The following GRB7 variants were observed in gnomAD, a reference collection of about 807,000 sequenced individuals.
GRB7 encodes the protein growth factor receptor bound protein 7.
A neutral mutation model predicts 64.1 loss-of-function variants in GRB7; 47 were observed. The ratio of observed to expected loss-of-function variants is 0.73; its 90% CI spans 0.58 to 0.94. The LOEUF (loss-of-function observed/expected upper bound fraction) is 0.94. GRB7 is among the 40% of genes least tolerant of loss of function. The probability of loss-of-function intolerance (pLI) is 0.00; values close to 1 mark genes in which losing one functional copy is unlikely to be tolerated. For synonymous variants in GRB7, 277 were observed against 279.9 expected (o/e 0.99, Z 0.10); for missense variants, 634 against 718.4 (o/e 0.88, Z 1.34).
chr17:39,743,431 C>G lies in GRB7; in HGVS notation c.624C>G (p.Leu208=). Residue 208 remains leucine, a synonymous_variant, in exon 6 of 15, where the codon CTC becomes CTG. Coordinates refer to ENST00000309156, the MANE Select transcript of GRB7 (RefSeq NM_005310.5). ...CAGAAAAAATGGTCTCCAGCTGTCTCGATGCACACACTGGTATATCCCATG... is the reference window on the plus strand; with the variant it reads ...CAGAAAAAATGGTCTCCAGCTGTCTGGATGCACACACTGGTATATCCCATG... ...LFPEKMVSSC[L]DAHTGISHED... The G allele has an allele frequency of 6.2e-7, 1 of 1,614,144 alleles. No individual in the cohort carries two copies.
At position 39,745,248 on chromosome 17, in the gene GRB7, G is replaced by T; in HGVS notation, c.1017G>T (p.Gly339=). The part of the protein sequence containing the change: ...WLAAFRLFKY[G]VQLYKNYQQA... The stretch of plus-strand genomic sequence containing the variant: ...CTTTCTCTCCCCACCCCCAGTACGG[G>T]GTGCAGCTGTACAAGAATTACCAGC... Residue 339 remains glycine (G), a synonymous_variant, in exon 10 of 15, where the codon GGG becomes GGT. Transcript: ENST00000309156. 1 of 1,606,764 alleles carries T rather than the reference G, an allele frequency of 6.2e-7. No homozygotes were observed. The highest frequency in any genetic ancestry group is 1.1e-5 in the South Asian group (1 of 89,988).
intron 1 of GRB7, chr17:39,738,910 GAAAGT>G: frequency 1.3e-6 from 2 of 1,534,770 alleles, no homozygotes; most frequent in Non-Finnish European, 1.7e-6. Flanking sequence ...CCTCCGATGG[GAAAGT>G]GGAGGCCGGG....
chr17:39,747,117 T>C lies in GRB7; in HGVS notation c.*220T>C, dbSNP rs1172608135. The C allele has an allele frequency of 3.5e-6, 2 of 564,534 alleles. No homozygotes were observed. Among genetic ancestry groups the C allele is most frequent in the Admixed American group, 3.3e-5 (1 of 30,224 alleles). The allele number at this position is 564,534 out of a possible 1,614,324, so 35.0% of individuals were successfully genotyped here. A position where few individuals can be genotyped will look rare whatever the true frequency, so the allele number is the denominator to read the frequency against. ...CCTCTCCTCAAGGGAAGGCCTTGGG[T>C]GGCCCCCTCTCCTTCTCCTAGCTCT... On this transcript the variant is annotated 3_prime_UTR_variant, in exon 15 of 15. Coordinates refer to ENST00000309156, the MANE Select transcript of GRB7 (RefSeq NM_005310.5).
chr17:39,738,888 A>G (rs1194834201), intron 1 of GRB7: 1 of 1,534,364 alleles, frequency 6.5e-7, no homozygotes, highest in Admixed American at 2.0e-5. Context: ...TCTCAGCAAC[A>G]CCGCCTCCGG....
At chr17:39,746,626 A>G in intron 14 of GRB7, 125 bp from the exon 15 acceptor site, 1 of 1,279,694 alleles carries the variant, frequency 7.8e-7, no homozygotes, top group Non-Finnish European at 1.1e-6. Flanking sequence ...CAAAAAAAAA[A>G]AAAGAAAGAA....
At position 39,742,930 on chromosome 17, in the gene GRB7, C is replaced by T; in HGVS notation, c.339C>T (p.Cys113=). 1 of 1,609,986 alleles carries T rather than the reference C, an allele frequency of 6.2e-7. No homozygotes were observed. Among genetic ancestry groups the T allele is most frequent in the East Asian group, 2.2e-5 (1 of 44,814 alleles). Residue 113 remains cysteine, a synonymous_variant, in exon 4 of 15, where the codon TGC becomes TGT. Coordinates refer to ENST00000309156, the MANE Select transcript of GRB7 (RefSeq NM_005310.5). The part of the protein sequence containing the change: ...VVKVYSEDGA[C]RSVEVAAGAT... ...AGGTGTACAGTGAGGATGGGGCCTG[C>T]AGGTCTGTGGAGGTGGCAGCAGGTG...
chr17:39,743,073 A>G lies in GRB7; in HGVS notation c.463+19A>G. 1.9e-6 allele frequency: 3 copies of G among 1,598,328 alleles called. No individual in the cohort carries two copies. The highest frequency in any genetic ancestry group is 1.1e-5 in the South Asian group (1 of 88,958). ...GCACTGGGTAAGTCAGGTGCATGGA[A>G]CTATCCGGGCTGGGAGATGATGCCT... is the stretch of plus-strand genomic sequence containing the variant. On this transcript the variant is annotated intron_variant, in intron 4 of 14. Transcript: ENST00000309156.
Position 39,743,299 on chromosome 17 carries a change from C to T in GRB7, c.583C>T (p.Pro195Ser), listed in dbSNP as rs762812710. The change falls in exon 5 of 15, where the codon CCA becomes TCA. Residue 195 changes from proline to serine, a missense_variant and splice_region_variant. This residue lies in a region of GRB7 where 467 missense variants were observed against 576.6 expected (regional missense o/e 0.81). Transcript: ENST00000309156. ...FAKYELFKSS[P>S]HSLFPEKMVS... ...CAAGTACGAACTGTTCAAGAGCTCC[C>T]CAGTGAGTGCATGAGGGCTGTCTGG... 1 of 1,614,204 alleles carries T rather than the reference C, an allele frequency of 6.2e-7. No individual in the cohort carries two copies. The highest frequency in any genetic ancestry group is 2.2e-5 in the East Asian group (1 of 44,876).
Position 39,743,954 on chromosome 17 carries a change from C to T in GRB7, c.664-116C>T, listed in dbSNP as rs541117701. ...GTTGCAGTGAGCTGTGATCGTGCCA[C>T]CGCACTAGCATGAGACCCTGTCTCA... On this transcript the variant is annotated intron_variant, in intron 6 of 14. Coordinates refer to ENST00000309156, the MANE Select transcript of GRB7 (RefSeq NM_005310.5). 2.1e-4 allele frequency: 285 copies of T among 1,354,132 alleles called. No homozygotes were observed. The South Asian group carries it at 3.7e-3, about 18-fold the overall frequency. The allele number at this position is 1,354,132 out of a possible 1,614,324, so 83.9% of individuals were successfully genotyped here.
In GRB7 at chr17:39,744,103, C is replaced by G. The variant is rs1383079181; in HGVS notation, c.697C>G (p.Gln233Glu). 6.2e-7 allele frequency: 1 copy of G among 1,614,048 alleles called. No homozygotes were observed. Among genetic ancestry groups the G allele is most frequent in the Non-Finnish European group, 8.5e-7 (1 of 1,180,028 alleles). The change falls in exon 7 of 15, where the codon CAG becomes GAG. Residue 233 changes from glutamine to glutamate, a missense_variant. Physicochemically the swap from Gln to Glu is conservative, Grantham distance 29 (BLOSUM62 2). Coordinates refer to ENST00000309156, the MANE Select transcript of GRB7 (RefSeq NM_005310.5). ...FLNAGSFPEI[Q>E]GFLQLRGSGR... ...GAATGCTGGCAGCTTTCCTGAGATC[C>G]AGGGCTTTCTGCAGCTGCGGGGTTC...
intron 1 of GRB7, chr17:39,740,204 G>T: frequency 1.0e-6 from 1 of 977,844 alleles, no homozygotes; most frequent in Non-Finnish European, 1.2e-6. Flanking sequence ...TGGGAGTGGG[G>T]GATTGTGTTC....
At chr17:39,745,372 A>G in intron 10 of GRB7, 49 bp downstream of exon 10, 11 of 1,608,250 alleles carry the variant, frequency 6.8e-6, no homozygotes, top group Non-Finnish European at 9.4e-6. Context: ...GCCCTGTCTT[A>G]CGGGTACCTG....
intron 6 of GRB7, 47 bp downstream of exon 6, chr17:39,743,517 T>A (rs1188399161): frequency 6.9e-7 from 1 of 1,455,752 alleles, no homozygotes; most frequent in Non-Finnish European, 9.7e-7. Flanking sequence ...TCCCCAGCAT[T>A]GGCCAGTGCT....
chr17:39,738,826 G>A (rs1430116603), intron 1 of GRB7: 1 of 1,371,760 alleles, frequency 7.3e-7, no homozygotes, highest in East Asian at 2.5e-5. Flanking sequence ...GGCAGTGAAG[G>A]AGAGGGATCC....
intron 1 of GRB7, 103 bp from the exon 2 acceptor site, chr17:39,742,149 G>C: frequency 1.3e-6 from 1 of 784,674 alleles, no homozygotes; most frequent in Non-Finnish European, 2.2e-6. Flanking sequence ...AGGGCTTCAG[G>C]GAAACTCCAG....
chr17:39,744,038 C>T (rs2060020676), intron 6 of GRB7, 32 bp from the exon 7 acceptor site: 1 of 1,612,598 alleles, frequency 6.2e-7, no homozygotes, highest in African/African-American at 1.3e-5. Flanking sequence ...GAGGTCAGAC[C>T]TGTCACTCTC....
At chr17:39,745,829 A>G in intron 12 of GRB7, 41 bp downstream of exon 12, 4 of 1,613,416 alleles carry the variant, frequency 2.5e-6, no homozygotes, top group Non-Finnish European at 3.4e-6. Flanking sequence ...GGCTGCCTCA[A>G]CTTCTCTTTG....
In GRB7 at chr17:39,743,427, G is replaced by C. The variant is rs889210619; in HGVS notation, c.620G>C (p.Cys207Ser). 2 of 1,614,182 alleles carry C rather than the reference G, an allele frequency of 1.2e-6. No individual in the cohort carries two copies. Among genetic ancestry groups the C allele is most frequent in the African/African-American group, 1.3e-5 (1 of 75,036 alleles). The stretch of plus-strand genomic sequence containing the variant: ...TTCCCAGAAAAAATGGTCTCCAGCT[G>C]TCTCGATGCACACACTGGTATATCC... ...SLFPEKMVSS[C>S]LDAHTGISHE... The change falls in exon 6 of 15, where the codon TGT (cysteine) becomes TCT (serine). Residue 207 changes from cysteine (C) to serine (S), a missense_variant. Coordinates refer to ENST00000309156, the MANE Select transcript of GRB7 (RefSeq NM_005310.5).
chr17:39,743,311 T>G lies in GRB7; in HGVS notation c.585+10T>G, dbSNP rs578261011. On this transcript the variant is annotated intron_variant, in intron 5 of 14. Coordinates refer to ENST00000309156, the MANE Select transcript of GRB7 (RefSeq NM_005310.5). ...GTTCAAGAGCTCCCCAGTGAGTGCA[T>G]GAGGGCTGTCTGGGCGCTGGGATGC... The G allele has an allele frequency of 1.2e-6, 2 of 1,614,186 alleles. No individual in the cohort carries two copies. The highest frequency in any genetic ancestry group is 3.3e-5 in the Admixed American group (2 of 60,030).
Sources: gnomAD v4.1 joint callset for allele counts on GRCh38, gnomAD v4.1.1 for gene constraint, gnomAD v4.1.1 regional missense constraint, MANE v1.5 for transcripts, NCBI Gene and HGNC (gene_info 2026-07-23, HGNC 2026-07-21) for gene names.